FBN3: variants seen among roughly 807,000 people sequenced by gnomAD.
FBN3 encodes fibrillin 3, also known as fibrillin-3.
In FBN3, 234 loss-of-function variants were observed where a neutral mutation model predicts 330.1. The observed-to-expected ratio is 0.71, with a 90% confidence interval of 0.64 to 0.79. FBN3 has a LOEUF of 0.79. FBN3 is among the 30% of genes least tolerant of loss of function. The probability of loss-of-function intolerance (pLI) is 0.00; values close to 1 mark genes in which losing one functional copy is unlikely to be tolerated. For synonymous variants in FBN3, 1,458 were observed against 1,517.3 expected, an observed-to-expected ratio of 0.96 and a Z score of 0.91; for missense variants, 3,606 against 3,886.9, an observed-to-expected ratio of 0.93 and a Z score of 1.92.
intron 41 of FBN3, among the ~76,000 whole-genome samples, chr19:8,098,403 C>G (rs1259356741): frequency 6.6e-6 from 1 of 151,466 alleles, no homozygotes; most frequent in African/African-American, 2.4e-5. Flanking sequence ...GGACGGGAAA[C>G]AACCTAAACA....
intron 63 of FBN3, among the ~76,000 whole-genome samples, chr19:8,071,716 T>C (rs1599256471): frequency 6.6e-6 from 1 of 151,644 alleles, no homozygotes; most frequent in Admixed American, 6.6e-5. Flanking sequence ...GGGGCCCAGG[T>C]ATTTCCCTGC....
chr19:8,086,152 C>CGGG, intron 55 of FBN3, 48 bp downstream of exon 55: 1 of 1,227,856 alleles, frequency 8.1e-7, no homozygotes, highest in Non-Finnish European at 1.1e-6. Flanking sequence ...GCAGTGGGTG[C>CGGG]CACATGGTAG....
At chr19:8,088,568 T>C (rs2082019257) in intron 51 of FBN3, among the ~76,000 whole-genome samples, 1 of 152,098 alleles carries the variant, frequency 6.6e-6, no homozygotes, top group Non-Finnish European at 1.5e-5. Context: ...AGTGAATGAA[T>C]GGTTAAATGA....
chr19:8,106,173 AACGTGTTG>A lies in FBN3; in HGVS notation c.4740_4747del (p.Asn1581TrpfsTer6). On this transcript the variant is annotated frameshift_variant, in exon 38 of 64. Coordinates refer to ENST00000600128, the MANE Select transcript of FBN3 (RefSeq NM_032447.5). LOFTEE classifies it high-confidence loss of function. ...TGGGCACTCACACTGGAAACTGCCA[AACGTGTTG>A]ACGCAGTCACCCCCCTGACACAGCC... The A allele has an allele frequency of 1.2e-6, 2 of 1,614,154 alleles. No individual in the cohort carries two copies. Among genetic ancestry groups the A allele is most frequent in the Non-Finnish European group, 8.5e-7 (1 of 1,180,006 alleles).
At chr19:8,133,975 C>T (rs1376335747) in intron 13 of FBN3, among the ~76,000 whole-genome samples, 2 of 150,384 alleles carry the variant, frequency 1.3e-5, no homozygotes, top group East Asian at 2.0e-4. Flanking sequence ...GCCCGTAATC[C>T]CAGCACTTTG....
chr19:8,085,300 T>C (rs541031546), intron 56 of FBN3, 63 bp downstream of exon 56: 1 of 1,388,708 alleles, frequency 7.2e-7, no homozygotes, highest in South Asian at 1.3e-5. Context: ...TACAGACACA[T>C]GACCCTGAGC....
intron 13 of FBN3, 25 bp downstream of exon 13, chr19:8,135,936 G>GGGGGGGGGGGGGGGGGGGGGC: frequency 4.0e-5 from 27 of 668,776 alleles, no homozygotes; most frequent in Non-Finnish European, 6.0e-5. Flanking sequence ...GGAAGCCCCT[G>GGGGGGGGGGGGGGGGGGGGGC]CCCACCCGCC....
At chr19:8,106,065 G>T (rs751626908) in intron 38 of FBN3, 43 bp downstream of exon 38, 2 of 1,609,198 alleles carry the variant, frequency 1.2e-6, no homozygotes, top group East Asian at 4.5e-5. Context: ...GGCAGGGAGA[G>T]AGCGGAAGAG....
At position 8,109,247 on chromosome 19, in the gene FBN3, A is replaced by G. The variant is rs1381581047; in HGVS notation, c.4598T>C (p.Leu1533Pro). Residue 1533 changes from leucine to proline, a missense_variant, in exon 36 of 64, where the codon CTG becomes CCG. Leu to Pro is a moderately conservative substitution (Grantham distance 98, BLOSUM62 -3). Coordinates refer to ENST00000600128, the MANE Select transcript of FBN3 (RefSeq NM_032447.5). This position sits in a 1 kb window ranked among gnomAD's most constrained non-coding sequence, Gnocchi z 5.2. ...CTCACTGGTGTTGGCCATAGGGCAC[A>G]GCTCACAGGGATTGCCCCAAGCCCG... ...LGRAWGNPCE[L>P]CPMANTTEYR... The G allele has an allele frequency of 4.0e-5, 64 of 1,614,022 alleles. No individual in the cohort carries two copies. The highest frequency in any genetic ancestry group is 8.0e-5 in the African/African-American group (6 of 74,922).
intron 48 of FBN3, among the ~76,000 whole-genome samples, chr19:8,090,706 A>G (rs571538442): frequency 1.3e-5 from 2 of 151,000 alleles, no homozygotes; most frequent in Admixed American, 6.6e-5. Flanking sequence ...CTGGTCTCAA[A>G]CTCCTGACCT....
At chr19:8,067,105 A>G (rs1219019096) in intron 63 of FBN3, among the ~76,000 whole-genome samples, 1 of 148,730 alleles carries the variant, frequency 6.7e-6, no homozygotes, top group Non-Finnish European at 1.5e-5. Context: ...TGAGGACAGG[A>G]TTTCTTTGTT....
chr19:8,133,576 G>T (rs2083203977), intron 13 of FBN3, among the ~76,000 whole-genome samples: 1 of 151,908 alleles, frequency 6.6e-6, no homozygotes, highest in South Asian at 2.1e-4. Context: ...TCAGCCTCCT[G>T]AGTAGCTGGG....
At chr19:8,122,185 T>C (rs1301860915) in intron 24 of FBN3, among the ~76,000 whole-genome samples, 5 of 152,066 alleles carry the variant, frequency 3.3e-5, no homozygotes, top group African/African-American at 1.2e-4. Flanking sequence ...ATAATAATTT[T>C]TTTATTTTTT....
chr19:8,142,200 C>G, intron 6 of FBN3, 63 bp from the exon 7 acceptor site: 3 of 1,335,056 alleles, frequency 2.2e-6, no homozygotes, highest in Non-Finnish European at 3.1e-6. Context: ...ATCTCTGCGT[C>G]TCTAACACCT....
intron 53 of FBN3, 117 bp downstream of exon 53, chr19:8,087,708 G>A (rs2081997192): frequency 6.9e-6 from 6 of 863,338 alleles, no homozygotes; most frequent in Non-Finnish European, 1.1e-5. Context: ...CCAGGTTCAA[G>A]CGATTCTCCT....
intron 57 of FBN3, among the ~76,000 whole-genome samples, chr19:8,082,440 CTT>C (rs1269730362): frequency 7.0e-6 from 1 of 142,026 alleles, no homozygotes; most frequent in African/African-American, 2.6e-5. Context: ...CTCTCTCTCT[CTT>C]CCTTCCTTCC....
chr19:8,136,274 CGTGGTGGCAGGGGCTGCTGGT>C lies in FBN3; in HGVS notation c.1360_1380del (p.Thr454_His460del). 1 of 1,604,618 alleles carries C rather than the reference CGTGGTGGCAGGGGCTGCTGGT, an allele frequency of 6.2e-7. No individual in the cohort carries two copies. Among genetic ancestry groups the C allele is most frequent in the Non-Finnish European group, 8.5e-7 (1 of 1,176,528 alleles). On this transcript the variant is annotated inframe_deletion, in exon 12 of 64. Transcript: ENST00000600128. ...GTGCCGGGGATGTTGACGCAGTCAC[CGTGGTGGCAGGGGCTGCTGGT>C]GCATTCGTCTACATCTGAGGGGAGA...
At chr19:8,127,463 C>T (rs766546792) in intron 18 of FBN3, among the ~76,000 whole-genome samples, 45 of 152,102 alleles carry the variant, frequency 3.0e-4, no homozygotes, top group Non-Finnish European at 1.2e-4. Flanking sequence ...CCCAATTCTC[C>T]GACACCAGCA....
intron 59 of FBN3, among the ~76,000 whole-genome samples, chr19:8,075,936 A>G (rs1023951744): frequency 3.3e-5 from 5 of 152,190 alleles, no homozygotes; most frequent in African/African-American, 7.2e-5. Flanking sequence ...CCAAAATCCT[A>G]TGTTGAAGCC....
Sources: allele counts gnomAD v4.1 joint callset (sites outside exome capture counted in the v4.1 genomes callset), GRCh38; gene constraint gnomAD v4.1.1; non-coding constraint Gnocchi (gnomAD v3.1); transcripts MANE v1.5; gene names NCBI Gene and HGNC (gene_info 2026-07-23, HGNC 2026-07-21).